ADGRV1: variants seen among roughly 807,000 people sequenced by gnomAD.
The protein encoded by ADGRV1 is G-protein coupled receptor 98.
ADGRV1 carries 359 observed loss-of-function variants against 596.2 expected under a neutral mutation model. The ratio of observed to expected loss-of-function variants is 0.60; its 90% CI spans 0.55 to 0.66. The LOEUF (loss-of-function observed/expected upper bound fraction) is 0.66. Among genes scored for constraint, ADGRV1 ranks in the 30% least tolerant of loss-of-function variants. ADGRV1 has a pLI of 0.00. For missense variants in ADGRV1, 7,274 were observed against 7,575.6 expected (o/e 0.96, Z 1.48); for synonymous variants, 2,681 against 2,679.2 (o/e 1.00, Z -0.02).
intron 79 of ADGRV1, among the ~76,000 whole-genome samples, chr5:90,852,944 T>C (rs1766674861): frequency 6.6e-6 from 1 of 152,206 alleles, no homozygotes; most frequent in African/African-American, 2.4e-5. Context: ...ATTCCAGCAA[T>C]GCTGATGTGA....
chr5:90,563,436 C>T (rs995840510), intron 1 of ADGRV1, among the ~76,000 whole-genome samples: 1 of 152,108 alleles, frequency 6.6e-6, no homozygotes, highest in Non-Finnish European at 1.5e-5. Context: ...CTGTAGGGTG[C>T]CATAGGGCAA....
intron 86 of ADGRV1, among the ~76,000 whole-genome samples, chr5:91,098,857 T>C (rs953779221): frequency 6.6e-6 from 1 of 150,740 alleles, no homozygotes; most frequent in Non-Finnish European, 1.5e-5. Context: ...GCATGTCCCT[T>C]TGTACTCCGC....
chr5:90,769,755 A>G (rs1757498156), intron 59 of ADGRV1, among the ~76,000 whole-genome samples: 1 of 152,154 alleles, frequency 6.6e-6, no homozygotes, highest in African/African-American at 2.4e-5. Flanking sequence ...TATTTTTAAA[A>G]TATATACATT....
chr5:90,928,277 C>T (rs371427212), intron 83 of ADGRV1, among the ~76,000 whole-genome samples: 3,148 of 152,152 alleles, frequency 0.021, 113 homozygotes, highest in African/African-American at 0.071. Context: ...ACCAATCAGA[C>T]GTAGATTTGG....
Position 91,153,376 on chromosome 5 carries a change from T to G in ADGRV1, c.18780T>G (p.Asp6260Glu). The G allele has an allele frequency of 3.1e-6, 5 of 1,605,890 alleles. No homozygotes were observed. Among genetic ancestry groups the G allele is most frequent in the Non-Finnish European group, 4.3e-6 (5 of 1,175,754 alleles). The change falls in exon 89 of 90, where the codon GAT (aspartate) becomes GAG (glutamate). Residue 6260 changes from aspartate (D) to glutamate (E), a missense_variant. Physicochemically the swap from Asp to Glu is conservative, Grantham distance 45. Coordinates refer to ENST00000405460, the MANE Select transcript of ADGRV1 (RefSeq NM_032119.4). ...ATGAGGAGTCCCAGGAGTTTGATGATTTAATATTTGCATTAAAAACTGGTA... is the reference window on the plus strand; with the variant it reads ...ATGAGGAGTCCCAGGAGTTTGATGAGTTAATATTTGCATTAAAAACTGGTA... ...IADEESQEFD[D>E]LIFALKTGAG...
chr5:90,987,836 G>A (rs1314093800), intron 85 of ADGRV1, among the ~76,000 whole-genome samples: 1 of 151,986 alleles, frequency 6.6e-6, no homozygotes, highest in Non-Finnish European at 1.5e-5. Flanking sequence ...TTATGGAAGA[G>A]CTAAGAATTT....
chr5:91,093,922 G>T (rs1790609692), intron 86 of ADGRV1, among the ~76,000 whole-genome samples: 2 of 146,542 alleles, frequency 1.4e-5, no homozygotes, highest in African/African-American at 5.1e-5. Flanking sequence ...TGCGATCTCT[G>T]CTCACTGCAA....
chr5:91,100,571 A>C (rs928209156), intron 86 of ADGRV1, among the ~76,000 whole-genome samples: 4 of 152,210 alleles, frequency 2.6e-5, no homozygotes, highest in African/African-American at 9.7e-5. Flanking sequence ...ATAAGCAGGA[A>C]TATATTAGTC....
intron 1 of ADGRV1, among the ~76,000 whole-genome samples, chr5:90,603,105 C>T (rs1761620717): frequency 6.6e-6 from 1 of 152,190 alleles, no homozygotes; most frequent in African/African-American, 2.4e-5. Context: ...GGAGGGTAGG[C>T]ATCTGCCAAG....
chr5:90,871,144 TAA>T (rs1252721012), intron 83 of ADGRV1, among the ~76,000 whole-genome samples: 10 of 152,310 alleles, frequency 6.6e-5, no homozygotes, highest in Middle Eastern at 3.4e-3. Context: ...AATAATTATA[TAA>T]GTCATTCTAC....
chr5:91,072,657 G>GA, intron 86 of ADGRV1, 53 bp downstream of exon 86: 2 of 1,548,060 alleles, frequency 1.3e-6, no homozygotes, highest in South Asian at 2.4e-5. Flanking sequence ...TTAATGGTGG[G>GA]AAAATGTCAC....
At chr5:90,607,640 T>C (rs908439970) in intron 1 of ADGRV1, among the ~76,000 whole-genome samples, 21 of 152,258 alleles carry the variant, frequency 1.4e-4, no homozygotes, top group African/African-American at 4.6e-4. Context: ...AACTGATCAA[T>C]GTAAGAGTAA....
intron 83 of ADGRV1, among the ~76,000 whole-genome samples, chr5:90,889,543 G>T (rs1400214422): frequency 6.6e-6 from 1 of 152,024 alleles, no homozygotes; most frequent in East Asian, 1.9e-4. Flanking sequence ...TACAGTAAGA[G>T]GGAAACTTCT....
At chr5:90,966,545 A>AAG (rs1302945078) in intron 84 of ADGRV1, among the ~76,000 whole-genome samples, 1 of 151,468 alleles carries the variant, frequency 6.6e-6, no homozygotes, top group Non-Finnish European at 1.5e-5. Context: ...AAAAAAAAAA[A>AAG]AAAAATAGAA....
intron 83 of ADGRV1, among the ~76,000 whole-genome samples, chr5:90,925,989 A>G (rs1774399646): frequency 7.6e-6 from 1 of 130,964 alleles, no homozygotes; most frequent in South Asian, 2.8e-4. Flanking sequence ...AGCCCACTTG[A>G]TCATGGTGGA....
intron 87 of ADGRV1, among the ~76,000 whole-genome samples, chr5:91,116,823 A>C (rs1045358023): frequency 6.6e-6 from 1 of 152,180 alleles, no homozygotes; most frequent in Admixed American, 6.6e-5. Flanking sequence ...CAAGCATTGC[A>C]AAAAGGGGGC....
intron 52 of ADGRV1, among the ~76,000 whole-genome samples, chr5:90,749,631 T>A (rs925600039): frequency 1.6e-4 from 25 of 152,218 alleles, no homozygotes; most frequent in Non-Finnish European, 5.9e-5. Flanking sequence ...CATAGTGACC[T>A]GAATGGGAAG....
At chr5:90,890,530 C>G (rs1442379618) in intron 83 of ADGRV1, among the ~76,000 whole-genome samples, 1 of 152,106 alleles carries the variant, frequency 6.6e-6, no homozygotes, top group Non-Finnish European at 1.5e-5. Flanking sequence ...AGCATATTTC[C>G]TATGAGGTAG....
chr5:90,583,132 AC>A (rs1758285014), intron 1 of ADGRV1, among the ~76,000 whole-genome samples: 1 of 152,194 alleles, frequency 6.6e-6, no homozygotes, highest in South Asian at 2.1e-4. Context: ...AAGTCGGGAA[AC>A]TTTGGAAATT....
Sources: allele counts gnomAD v4.1 joint callset (sites outside exome capture counted in the v4.1 genomes callset), GRCh38; gene constraint gnomAD v4.1.1; transcripts MANE v1.5; gene names NCBI Gene and HGNC (gene_info 2026-07-23, HGNC 2026-07-21).